AKIRIN2: variants seen among roughly 807,000 people sequenced by gnomAD.
AKIRIN2 encodes akirin 2.
In AKIRIN2, 6 loss-of-function variants were observed where a neutral mutation model predicts 29.3. The observed-to-expected ratio is 0.20, with a 90% CI of 0.11 to 0.40. The LOEUF (loss-of-function observed/expected upper bound fraction) is 0.40, where lower values mean the gene tolerates loss of function less well. Among genes scored for constraint, AKIRIN2 ranks in the 10% least tolerant of loss-of-function variants. AKIRIN2 has a pLI of 1.00. For synonymous variants in AKIRIN2, 128 were observed against 117.5 expected (o/e 1.09, Z -0.58); for missense variants, 210 against 276.1 (o/e 0.76, Z 1.70).
At chr6:87,690,152 G>A (rs1370139041) in intron 1 of AKIRIN2, among the ~76,000 whole-genome samples, 3 of 151,002 alleles carry the variant, frequency 2.0e-5, no homozygotes, top group African/African-American at 4.9e-5. Context: ...GTTTCAGTGA[G>A]CTGAGATGAC....
At chr6:87,683,594 C>A (rs1320058466) in intron 1 of AKIRIN2, among the ~76,000 whole-genome samples, 1 of 152,162 alleles carries the variant, frequency 6.6e-6, no homozygotes, top group Non-Finnish European at 1.5e-5. Context: ...AGGATAAACA[C>A]AAATATCCTC....
intron 1 of AKIRIN2, among the ~76,000 whole-genome samples, chr6:87,695,937 G>A (rs1771352879): frequency 6.6e-6 from 1 of 152,142 alleles, no homozygotes; most frequent in Admixed American, 6.6e-5. Flanking sequence ...CAGCACTTTG[G>A]GAGGCTGAAG....
At chr6:87,681,852 T>A in intron 1 of AKIRIN2, 89 bp from the exon 2 acceptor site, 1 of 1,042,704 alleles carries the variant, frequency 9.6e-7, no homozygotes, top group Non-Finnish European at 1.3e-6. Flanking sequence ...TAGACCAATC[T>A]ACCCAAAATA....
chr6:87,676,184 A>G (rs1368471766), intron 3 of AKIRIN2, among the ~76,000 whole-genome samples: 6 of 151,904 alleles, frequency 3.9e-5, no homozygotes, highest in Admixed American at 2.6e-4. Context: ...AAAGGCTGGG[A>G]CCGGGTGCGG....
At chr6:87,688,033 G>C (rs1246535355) in intron 1 of AKIRIN2, among the ~76,000 whole-genome samples, 1 of 152,102 alleles carries the variant, frequency 6.6e-6, no homozygotes, top group African/African-American at 2.4e-5. Context: ...TTGGCAAAAT[G>C]AGGTAGAAAG....
intron 1 of AKIRIN2, among the ~76,000 whole-genome samples, chr6:87,683,794 T>C (rs890153068): frequency 3.3e-5 from 5 of 152,098 alleles, no homozygotes; most frequent in Non-Finnish European, 1.5e-5. Context: ...GCTGGGACTA[T>C]AGGCTCGAGC....
At chr6:87,688,178 C>CTG (rs981714937) in intron 1 of AKIRIN2, among the ~76,000 whole-genome samples, 1 of 152,192 alleles carries the variant, frequency 6.6e-6, no homozygotes, top group African/African-American at 2.4e-5. Context: ...GTCGCCCAGG[C>CTG]TGTAGTGCAA....
At chr6:87,698,979 G>C (rs1385214741) in intron 1 of AKIRIN2, among the ~76,000 whole-genome samples, 1 of 152,102 alleles carries the variant, frequency 6.6e-6, no homozygotes, top group Non-Finnish European at 1.5e-5. Context: ...AGTCACTTTA[G>C]TACTCTAGTT....
At chr6:87,700,230 G>A (rs1379993007) in intron 1 of AKIRIN2, among the ~76,000 whole-genome samples, 1 of 147,340 alleles carries the variant, frequency 6.8e-6, no homozygotes, top group African/African-American at 2.5e-5. Context: ...ATATTCGAGG[G>A]TCACTCCATG....
At chr6:87,692,615 C>G (rs1771293713) in intron 1 of AKIRIN2, among the ~76,000 whole-genome samples, 1 of 151,570 alleles carries the variant, frequency 6.6e-6, no homozygotes, top group Non-Finnish European at 1.5e-5. Flanking sequence ...AGTTCAAGAC[C>G]AGCTTGGCCA....
chr6:87,688,451 T>TA (rs543094770), intron 1 of AKIRIN2, among the ~76,000 whole-genome samples: 4,389 of 135,718 alleles, frequency 0.032, 76 homozygotes, highest in Non-Finnish European at 0.046. Flanking sequence ...TTTAAAAAAA[T>TA]AAAAAAAAAA....
Position 87,684,872 on chromosome 6 carries a change from C to T in AKIRIN2, c.236-3109G>A, listed in dbSNP as rs186503485. 1.7e-3 allele frequency among the ~76,000 whole-genome samples: 259 copies of T among 152,190 alleles called. 1 individual carries two copies. Among genetic ancestry groups the T allele is most frequent in the Non-Finnish European group, 2.7e-3 (184 of 68,018 alleles). ...TGTTTTCATTTCTCTTGGATAAATA[C>T]CTAGGAGTGGGAATGGGCTGCCTAA... On this transcript the variant is annotated intron_variant, in intron 1 of 4. Transcript: ENST00000257787.
chr6:87,677,216 T>C (rs1771029369), intron 3 of AKIRIN2, among the ~76,000 whole-genome samples: 2 of 152,062 alleles, frequency 1.3e-5, no homozygotes, highest in African/African-American at 2.4e-5. Context: ...AACAAAACAC[T>C]ACCTAAAACC....
intron 1 of AKIRIN2, among the ~76,000 whole-genome samples, chr6:87,687,590 G>A (rs376327959): frequency 1.5e-4 from 23 of 152,220 alleles, no homozygotes; most frequent in African/African-American, 5.5e-4. Context: ...CCAACCAAGA[G>A]CTATTGGACT....
intron 1 of AKIRIN2, chr6:87,700,620 TC>T (rs1284848883): frequency 3.3e-5 from 5 of 152,258 alleles, no homozygotes; most frequent in African/African-American, 1.2e-4. Context: ...AAGTCTGAAG[TC>T]CCTTGGAATC....
rs10563070 is a variant in AKIRIN2, at chr6:87,680,283, A to ATTTT, written c.379+1333_379+1336dup. On this transcript the variant is annotated intron_variant, in intron 2 of 4. Transcript: ENST00000257787. ...TTATTTGACTATGTTATGGTCTTTG[A>ATTTT]TTTTTTTTTTTTTTTTTTTTTTGAG... is the stretch of plus-strand genomic sequence containing the variant. Among the ~76,000 whole-genome samples, 12 of 79,602 alleles carry ATTTT rather than the reference A, an allele frequency of 1.5e-4. 1 individual carries two copies. The highest frequency in any genetic ancestry group is 4.3e-4 in the African/African-American group (10 of 23,296). 52.2% of individuals were successfully genotyped at this position (79,602 alleles called of 152,430 possible). A position where few individuals can be genotyped will look rare whatever the true frequency, so the allele number is the denominator to read the frequency against.
intron 1 of AKIRIN2, among the ~76,000 whole-genome samples, chr6:87,690,965 G>A (rs1014576373): frequency 4.0e-5 from 6 of 149,288 alleles, no homozygotes; most frequent in Non-Finnish European, 7.5e-5. Context: ...AGAGTGAGAC[G>A]GTTTCAACAA....
chr6:87,681,273 A>G (rs1459502109), intron 2 of AKIRIN2, among the ~76,000 whole-genome samples: 2 of 152,142 alleles, frequency 1.3e-5, no homozygotes, highest in Non-Finnish European at 2.9e-5. Context: ...CCTGACCTCA[A>G]GTGACCTGTC....
chr6:87,675,704 T>A, intron 4 of AKIRIN2, 97 bp from the exon 5 acceptor site: 1 of 1,521,136 alleles, frequency 6.6e-7, no homozygotes, highest in Non-Finnish European at 9.0e-7. Flanking sequence ...GGTATTTAAG[T>A]AACCAAAAGA....
Sources: gnomAD v4.1 joint callset for allele counts (sites outside exome capture counted in the v4.1 genomes callset) on GRCh38, gnomAD v4.1.1 for gene constraint, MANE v1.5 for transcripts, NCBI Gene and HGNC (gene_info 2026-07-23, HGNC 2026-07-21) for gene names.